Variants in DPP10 observed in about 807,000 individuals in gnomAD.
The protein encoded by DPP10 is inactive dipeptidyl peptidase 10.
A neutral mutation model predicts 120.9 loss-of-function variants in DPP10; 33 were observed. The observed-to-expected ratio is 0.27, with a 90% CI of 0.21 to 0.37. The LOEUF is 0.37. Among genes scored for constraint, DPP10 ranks in the 10% least tolerant of loss-of-function variants. DPP10 has a pLI of 1.00. For synonymous variants in DPP10, 337 were observed against 326.1 expected (o/e 1.03, Z -0.36); for missense variants, 816 against 942.8 (o/e 0.87, Z 1.76).
intron 3 of DPP10, among the ~76,000 whole-genome samples, chr2:115,424,405 T>G (rs1296928642): frequency 6.6e-6 from 1 of 152,084 alleles, no homozygotes; most frequent in East Asian, 1.9e-4. Context: ...TTTTATTATT[T>G]TCTAAAATGT....
intron 2 of DPP10, among the ~76,000 whole-genome samples, chr2:115,334,447 A>C (rs911313191): frequency 6.6e-6 from 1 of 151,504 alleles, no homozygotes; most frequent in South Asian, 2.1e-4. Flanking sequence ...CTAAGTGACA[A>C]GCTATTAGGT....
chr2:114,713,456 C>T (rs1456642719), intron 1 of DPP10, among the ~76,000 whole-genome samples: 8 of 152,058 alleles, frequency 5.3e-5, no homozygotes, highest in Admixed American at 2.6e-4. Flanking sequence ...AAAGCCCTAT[C>T]GGAAAATAAA....
At chr2:115,807,307 A>G (rs1024731692) in intron 19 of DPP10, among the ~76,000 whole-genome samples, 6 of 152,118 alleles carry the variant, frequency 3.9e-5, no homozygotes, top group African/African-American at 1.4e-4. Context: ...TATTGGTTGT[A>G]TTCTTATATT....
At chr2:115,083,970 A>T (rs564532457) in intron 1 of DPP10, among the ~76,000 whole-genome samples, 6 of 152,188 alleles carry the variant, frequency 3.9e-5, no homozygotes, top group Non-Finnish European at 7.3e-5. Context: ...GTTCTATCAC[A>T]AACACCTCTT....
intron 7 of DPP10, among the ~76,000 whole-genome samples, chr2:115,700,381 C>A (rs939642406): frequency 3.3e-5 from 5 of 151,742 alleles, no homozygotes; most frequent in Non-Finnish European, 5.9e-5. Flanking sequence ...AAATTTAACA[C>A]CCTTATATGA....
intron 1 of DPP10, among the ~76,000 whole-genome samples, chr2:115,207,616 G>T (rs888935330): frequency 3.3e-5 from 5 of 152,052 alleles, no homozygotes; most frequent in African/African-American, 7.2e-5. Context: ...CTTTTCAAAC[G>T]CAAGAGAGCA....
At chr2:114,996,390 T>G (rs7421208) in intron 1 of DPP10, among the ~76,000 whole-genome samples, 1 of 152,220 alleles carries the variant, frequency 6.6e-6, no homozygotes, top group Non-Finnish European at 1.5e-5. Flanking sequence ...ATTTAAAAGA[T>G]GATTGAAAAA....
intron 21 of DPP10, 68 bp from the exon 22 acceptor site, chr2:115,836,087 TTG>T (rs1689461393): frequency 1.3e-5 from 10 of 796,564 alleles, no homozygotes; most frequent in East Asian, 3.4e-5. Context: ...ATATATAAAT[TTG>T]TGTGTGTGTA....
chr2:114,477,867 ATGT>A (rs1680596139), intron 1 of DPP10, among the ~76,000 whole-genome samples: 1 of 149,700 alleles, frequency 6.7e-6, no homozygotes, highest in East Asian at 1.9e-4. Context: ...ATATGTATAT[ATGT>A]ACATATATGT....
intron 1 of DPP10, among the ~76,000 whole-genome samples, chr2:115,122,451 G>C (rs973494605): frequency 6.6e-6 from 1 of 152,206 alleles, no homozygotes; most frequent in Admixed American, 6.5e-5. Flanking sequence ...TTATGCCTGT[G>C]GCCTTGGGCC....
chr2:114,508,888 G>A (rs1244763116), intron 1 of DPP10, among the ~76,000 whole-genome samples: 1 of 151,872 alleles, frequency 6.6e-6, no homozygotes, highest in South Asian at 2.1e-4. Context: ...TCAGAAACAG[G>A]GTCTTTTAAA....
intron 1 of DPP10, among the ~76,000 whole-genome samples, chr2:115,282,850 G>C (rs1361818739): frequency 6.6e-6 from 1 of 151,776 alleles, no homozygotes; most frequent in Non-Finnish European, 1.5e-5. Context: ...TTCCCATTTT[G>C]TGCCTTAATT....
At chr2:114,513,421 T>C (rs1684319207) in intron 1 of DPP10, among the ~76,000 whole-genome samples, 1 of 148,994 alleles carries the variant, frequency 6.7e-6, no homozygotes, top group Non-Finnish European at 1.5e-5. Flanking sequence ...CTCAGGAGGC[T>C]GAGGCAGGAG....
intron 1 of DPP10, among the ~76,000 whole-genome samples, chr2:115,158,402 T>C (rs768164039): frequency 5.9e-5 from 9 of 152,170 alleles, no homozygotes; most frequent in Non-Finnish European, 1.3e-4. Flanking sequence ...ATTCACAATG[T>C]TGTATGTGAG....
intron 1 of DPP10, among the ~76,000 whole-genome samples, chr2:114,747,250 T>C (rs1678660631): frequency 1.3e-5 from 2 of 152,208 alleles, no homozygotes; most frequent in South Asian, 4.1e-4. Context: ...AACTTTCCTT[T>C]AAGAATAATA....
chr2:114,771,392 T>G (rs1370146770), intron 1 of DPP10, among the ~76,000 whole-genome samples: 1 of 152,118 alleles, frequency 6.6e-6, no homozygotes, highest in East Asian at 1.9e-4. Flanking sequence ...CACCTGAACA[T>G]CCCTCGTTGT....
chr2:114,796,647 T>C (rs1313401377), intron 1 of DPP10, among the ~76,000 whole-genome samples: 1 of 152,176 alleles, frequency 6.6e-6, no homozygotes, highest in African/African-American at 2.4e-5. Flanking sequence ...TTTAGCTGTA[T>C]AGCATTATAT....
At chr2:115,406,372 C>CT (rs1340015533) in intron 3 of DPP10, among the ~76,000 whole-genome samples, 1 of 152,238 alleles carries the variant, frequency 6.6e-6, no homozygotes, top group East Asian at 1.9e-4. Flanking sequence ...TTTTTTTAGT[C>CT]TTTTTTGTCT....
chr2:115,465,938 A>G (rs1159235125), intron 3 of DPP10, among the ~76,000 whole-genome samples: 1 of 152,200 alleles, frequency 6.6e-6, no homozygotes, highest in Admixed American at 6.5e-5. Flanking sequence ...TCCCAAGTGA[A>G]TTAACTTTCA....
Sources: gnomAD v4.1 joint callset for allele counts (sites outside exome capture counted in the v4.1 genomes callset) on GRCh38, gnomAD v4.1.1 for gene constraint, MANE v1.5 for transcripts, NCBI Gene and HGNC (gene_info 2026-07-23, HGNC 2026-07-21) for gene names.